The following GNB4 variants were observed in gnomAD, a reference collection of about 807,000 sequenced individuals.
The protein encoded by GNB4 is G protein subunit beta 4, also known as guanine nucleotide-binding protein subunit beta-4.
A neutral mutation model predicts 45.2 loss-of-function variants in GNB4; 28 were observed. The observed-to-expected ratio is 0.62, with a 90% CI of 0.46 to 0.85. GNB4 has a LOEUF of 0.85. Among genes scored for constraint, GNB4 ranks in the 40% least tolerant of loss-of-function variants. GNB4 has a pLI of 0.00. For missense variants in GNB4, 321 were observed against 425.4 expected, an observed-to-expected ratio of 0.75 and a Z score of 2.16; for synonymous variants, 132 against 143.7, an observed-to-expected ratio of 0.92 and a Z score of 0.58.
the GNB4 span, among the ~76,000 whole-genome samples, chr3:179,503,646 C>T: frequency 3.2e-3 from 481 of 152,270 alleles, 2 homozygotes; most frequent in African/African-American, 0.011. Flanking sequence ...TATTCCAAGA[C>T]CCTTATAATT....
At chr3:179,420,290 A>G (rs1487076860) in intron 3 of GNB4, among the ~76,000 whole-genome samples, 6 of 148,306 alleles carry the variant, frequency 4.0e-5, no homozygotes, top group Non-Finnish European at 7.5e-5. Context: ...CACCATGACC[A>G]GCTAACTTTC....
At chr3:179,446,950 T>C (rs1715748331) in intron 1 of GNB4, among the ~76,000 whole-genome samples, 1 of 152,202 alleles carries the variant, frequency 6.6e-6, no homozygotes, top group Non-Finnish European at 1.5e-5. Flanking sequence ...GATTCGGTAG[T>C]AAACAAAACA....
the GNB4 span, among the ~76,000 whole-genome samples, chr3:179,491,460 T>C: frequency 6.6e-6 from 1 of 152,090 alleles, no homozygotes; most frequent in Non-Finnish European, 1.5e-5. Context: ...AGAGAAGGCT[T>C]AGGGTAGATA....
At chr3:179,423,012 C>T (rs904715789) in intron 2 of GNB4, among the ~76,000 whole-genome samples, 6 of 151,950 alleles carry the variant, frequency 3.9e-5, no homozygotes, top group African/African-American at 9.7e-5. Context: ...AGGATGGTTT[C>T]GATCTCCTGA....
At chr3:179,503,969 AG>A in the GNB4 span, among the ~76,000 whole-genome samples, 1 of 152,160 alleles carries the variant, frequency 6.6e-6, no homozygotes, top group Non-Finnish European at 1.5e-5. Context: ...TGAACTAAAC[AG>A]GGGAATGGCT....
chr3:179,429,310 C>T (rs967525945), intron 1 of GNB4, among the ~76,000 whole-genome samples: 2 of 152,238 alleles, frequency 1.3e-5, no homozygotes, highest in African/African-American at 2.4e-5. Context: ...TCTGGGCCTA[C>T]CTGTGTCACC....
chr3:179,456,674 A>T, the GNB4 span, among the ~76,000 whole-genome samples: 1 of 151,922 alleles, frequency 6.6e-6, no homozygotes, highest in South Asian at 2.1e-4. Flanking sequence ...CAGTTCCATC[A>T]CTCCCCAAAT....
the GNB4 span, among the ~76,000 whole-genome samples, chr3:179,498,759 T>TG: frequency 6.9e-6 from 1 of 145,890 alleles, no homozygotes; most frequent in South Asian, 2.2e-4. Context: ...GTTTTTTTTT[T>TG]TTTTTTTTGC....
At position 179,405,379 on chromosome 3, in the gene GNB4, T is replaced by A. The variant is rs1714436329; in HGVS notation, c.727A>T (p.Thr243Ser). 1 of 1,613,134 alleles carries A rather than the reference T, an allele frequency of 6.2e-7. No individual in the cohort carries two copies. The highest frequency in any genetic ancestry group is 8.5e-7 in the Non-Finnish European group (1 of 1,179,348). The change falls in exon 9 of 10, where the codon ACT becomes TCT. Residue 243 changes from threonine to serine, a missense_variant. Physicochemically the swap from Thr to Ser is moderately conservative, Grantham distance 58. Coordinates refer to ENST00000232564, the MANE Select transcript of GNB4 (RefSeq NM_021629.4). The part of the protein sequence containing the change: ...SFFPNGYAFA[T>S]GSDDATCRLF... ...CGGCAAGTGGCATCATCAGAGCCAGTGGCGAAGGCATATCCATTTGGGAAA... is the reference window on the plus strand; with the variant it reads ...CGGCAAGTGGCATCATCAGAGCCAGAGGCGAAGGCATATCCATTTGGGAAA...
At chr3:179,471,261 C>A in the GNB4 span, among the ~76,000 whole-genome samples, 4 of 152,012 alleles carry the variant, frequency 2.6e-5, no homozygotes, top group Admixed American at 2.6e-4. Flanking sequence ...TTAGCGTAGC[C>A]TAAGTGTATA....
chr3:179,412,730 T>A (rs1714685854), intron 8 of GNB4, among the ~76,000 whole-genome samples: 1 of 152,102 alleles, frequency 6.6e-6, no homozygotes, highest in Admixed American at 6.5e-5. Context: ...TTTTCATCCT[T>A]ATTGTTCTCT....
chr3:179,416,054 G>C (rs1001766050), intron 5 of GNB4, among the ~76,000 whole-genome samples: 1 of 151,888 alleles, frequency 6.6e-6, no homozygotes, highest in South Asian at 2.1e-4. Context: ...AGAGATCTAC[G>C]TAAGTTGTCA....
chr3:179,510,566 A>G, the GNB4 span, among the ~76,000 whole-genome samples: 1 of 152,180 alleles, frequency 6.6e-6, no homozygotes, highest in Admixed American at 6.5e-5. Flanking sequence ...GAGGGGGGAA[A>G]AGATGCCTCC....
the GNB4 span, among the ~76,000 whole-genome samples, chr3:179,483,183 C>T: frequency 6.6e-6 from 1 of 151,936 alleles, no homozygotes; most frequent in African/African-American, 2.4e-5. Context: ...ACCCTGCCTC[C>T]TTCCACAAAG....
chr3:179,505,305 T>C, the GNB4 span, among the ~76,000 whole-genome samples: 1 of 152,192 alleles, frequency 6.6e-6, no homozygotes, highest in South Asian at 2.1e-4. Context: ...GAATGAGAGA[T>C]TAAAGCTTGG....
chr3:179,495,215 C>G, the GNB4 span, among the ~76,000 whole-genome samples: 1 of 152,090 alleles, frequency 6.6e-6, no homozygotes, highest in African/African-American at 2.4e-5. Context: ...TAGCGAGACT[C>G]TGTCTCAAAG....
chr3:179,415,273 C>T (rs1714764277), intron 5 of GNB4, among the ~76,000 whole-genome samples: 1 of 152,082 alleles, frequency 6.6e-6, no homozygotes, highest in South Asian at 2.1e-4. Context: ...TCAAAAAGTG[C>T]TCTTTTTGGA....
chr3:179,433,503 G>A (rs973409871), intron 1 of GNB4, among the ~76,000 whole-genome samples: 1 of 152,028 alleles, frequency 6.6e-6, no homozygotes, highest in African/African-American at 2.4e-5. Context: ...CCACTCAGGA[G>A]GCTGAGTGGG....
the GNB4 span, among the ~76,000 whole-genome samples, chr3:179,489,300 G>A: frequency 6.6e-5 from 10 of 151,438 alleles, no homozygotes; most frequent in East Asian, 1.2e-3. Context: ...TTCTCATTAC[G>A]CTTATCTCTG....
Sources: gnomAD v4.1 joint callset for allele counts (sites outside exome capture counted in the v4.1 genomes callset) on GRCh38, gnomAD v4.1.1 for gene constraint, MANE v1.5 for transcripts, NCBI Gene and HGNC (gene_info 2026-07-23, HGNC 2026-07-21) for gene names.